Variants in RFX5 observed in about 807,000 individuals in gnomAD.
RFX5 encodes DNA-binding protein RFX5.
RFX5 carries 30 observed loss-of-function variants against 41.2 expected under a neutral mutation model. That is an observed-to-expected ratio of 0.73 (90% CI 0.54 to 0.99). RFX5 has a LOEUF of 0.99. Among genes scored for constraint, RFX5 ranks in the 50% least tolerant of loss-of-function variants. RFX5 has a pLI of 0.00. For synonymous variants in RFX5, 231 were observed against 291.8 expected (o/e 0.79, Z 2.12); for missense variants, 715 against 773.6 (o/e 0.92, Z 0.90).
At chr1:151,344,176 G>A in intron 8 of RFX5, 21 bp downstream of exon 8, 1 of 1,611,148 alleles carries the variant, frequency 6.2e-7, no homozygotes, top group Non-Finnish European at 8.5e-7. Flanking sequence ...GAGTGGAATT[G>A]GAAGGTGATT....
At chr1:151,346,403 G>T in intron 2 of RFX5, 70 bp from the exon 3 acceptor site, 2 of 1,193,484 alleles carry the variant, frequency 1.7e-6, no homozygotes, top group Non-Finnish European at 2.5e-6. Flanking sequence ...AGGCCCCAGG[G>T]CACTCCTCAT....
chr1:151,340,937 T>C lies in RFX5; in HGVS notation c.*1249A>G, dbSNP rs1650396670. On this transcript the variant is annotated 3_prime_UTR_variant, in exon 11 of 11. Transcript: ENST00000452671. ...TTTTCCCAAGGATACATCTGGAGGG[T>C]CTGCATTCCTTTCTCATTGGTGCCG... The C allele has an allele frequency of 6.6e-6, 1 of 152,580 alleles. No homozygotes were observed. Among genetic ancestry groups the C allele is most frequent in the Non-Finnish European group, 1.5e-5 (1 of 68,040 alleles). 9.5% of individuals were successfully genotyped at this position (152,580 alleles called of 1,614,324 possible).
intron 9 of RFX5, 95 bp downstream of exon 9, chr1:151,343,586 G>A: frequency 2.0e-6 from 3 of 1,464,378 alleles, no homozygotes; most frequent in Non-Finnish European, 1.9e-6. Flanking sequence ...AGGAAGAGGG[G>A]GCAAATCCAA....
chr1:151,343,544 G>A (rs1650707692), intron 9 of RFX5, 102 bp from the exon 10 acceptor site: 2 of 1,410,818 alleles, frequency 1.4e-6, no homozygotes, highest in Non-Finnish European at 2.0e-6. Flanking sequence ...GACAGGAAAT[G>A]GGGTGCTAAA....
intron 3 of RFX5, 56 bp from the exon 4 acceptor site, chr1:151,346,017 A>C: frequency 6.2e-7 from 1 of 1,613,436 alleles, no homozygotes; most frequent in Non-Finnish European, 8.5e-7. Context: ...CTGTCTCTTT[A>C]TCTGACTGCT....
In RFX5 at chr1:151,344,521, ACT is replaced by A. The variant is rs1228361094; in HGVS notation, c.367_368del (p.Leu124CysfsTer21). The A allele has an allele frequency of 6.2e-7, 1 of 1,614,124 alleles. No homozygotes were observed. Among genetic ancestry groups the A allele is most frequent in the Non-Finnish European group, 8.5e-7 (1 of 1,180,024 alleles). On this transcript the variant is annotated frameshift_variant, in exon 7 of 11. Transcript: ENST00000452671. LOFTEE classifies it high-confidence loss of function. ...VYDAYRKYCE[S>X]LACCRPLSTA... is the part of the protein sequence containing the mutation. ...TGCTGAGTGGGCGGCAACAGGCAAGACTCTCACAGTACTTCCTGAGTGAGAGG... is the reference window on the plus strand; with the variant it reads ...TGCTGAGTGGGCGGCAACAGGCAAGACTCACAGTACTTCCTGAGTGAGAGG...
intron 6 of RFX5, 25 bp downstream of exon 6, chr1:151,344,703 T>TCCCCCCCCCCCCC: frequency 2.0e-6 from 3 of 1,515,656 alleles, no homozygotes; most frequent in Non-Finnish European, 2.7e-6. Flanking sequence ...AATCCACTCA[T>TCCCCCCCCCCCCC]CCCACCACCC....
Position 151,342,377 on chromosome 1 carries a change from C to T in RFX5, c.1660G>A (p.Ala554Thr), listed in dbSNP as rs745894451. The change falls in exon 11 of 11, where the codon GCA becomes ACA. Residue 554 changes from alanine to threonine, a missense_variant. Coordinates refer to ENST00000452671, the MANE Select transcript of RFX5 (RefSeq NM_001025603.2). ...RGPGSQHTKE[A>T]EDKIPLVPSK... ...GGGACCAAGGGAATTTTATCTTCTG[C>T]TTCTTTGGTATGCTGGGAACCGGGG... The T allele has an allele frequency of 1.1e-5, 17 of 1,614,156 alleles. No individual in the cohort carries two copies. The highest frequency in any genetic ancestry group is 1.2e-5 in the Non-Finnish European group (14 of 1,180,028).
Position 151,345,193 on chromosome 1 carries a change from G to C in RFX5, c.151-5C>G, listed in dbSNP as rs1406448177. The C allele has an allele frequency of 6.2e-7, 1 of 1,612,320 alleles. No homozygotes were observed. The highest frequency in any genetic ancestry group is 1.6e-4 in the Middle Eastern group (1 of 6,062). Reference sequence around the variant, plus strand: ...AGAAAATTTCTGTACATCTTGCTGAGGTAGGAGAGAACAGAGGCAGGAGAA... The same window carrying C: ...AGAAAATTTCTGTACATCTTGCTGACGTAGGAGAGAACAGAGGCAGGAGAA... On this transcript the variant is annotated splice_region_variant and splice_polypyrimidine_tract_variant and intron_variant, in intron 4 of 10. Transcript: ENST00000452671.
intron 4 of RFX5, 107 bp downstream of exon 4, chr1:151,345,821 A>G (rs2102070108): frequency 6.6e-7 from 1 of 1,507,190 alleles, no homozygotes; most frequent in South Asian, 1.1e-5. Context: ...GACAAGGCAG[A>G]GGACCCTACC....
At position 151,344,840 on chromosome 1, in the gene RFX5, G is replaced by T; in HGVS notation, c.241C>A (p.Pro81Thr). Residue 81 changes from proline to threonine, a missense_variant, in exon 6 of 11, where the codon CCA (proline) becomes ACA (threonine). Physicochemically the swap from Pro to Thr is conservative, Grantham distance 38 (BLOSUM62 -1). Coordinates refer to ENST00000452671, the MANE Select transcript of RFX5 (RefSeq NM_001025603.2). Reference sequence around the variant, plus strand: ...TACTCCTCATTGCTCAGTGTACTTGGCTCTGAGCTACAGAAACAAAAGGAA... The same window carrying T: ...TACTCCTCATTGCTCAGTGTACTTGTCTCTGAGCTACAGAAACAAAAGGAA... ...GPTTGDKSSE[P>T]STLSNEEYMY... 6.2e-7 allele frequency: 1 copy of T among 1,614,118 alleles called. No individual in the cohort carries two copies. Among genetic ancestry groups the T allele is most frequent in the South Asian group, 1.1e-5 (1 of 91,078 alleles).
chr1:151,341,938 A>G lies in RFX5; in HGVS notation c.*248T>C. 5.8e-6 allele frequency: 4 copies of G among 689,852 alleles called. No homozygotes were observed. The East Asian group carries it at 1.2e-4, about 20-fold the overall frequency. The allele number at this position is 689,852 out of a possible 1,614,324, so 42.7% of individuals were successfully genotyped here. ...ACTTAGCCCATTCCTACCTTCCCAC[A>G]GGATAGCACAGGGAATACAGGTAAG... On this transcript the variant is annotated 3_prime_UTR_variant, in exon 11 of 11. Coordinates refer to ENST00000452671, the MANE Select transcript of RFX5 (RefSeq NM_001025603.2).
chr1:151,345,261 C>T lies in RFX5; in HGVS notation c.151-73G>A, dbSNP rs1650909308. 2.6e-6 allele frequency: 3 copies of T among 1,173,424 alleles called. No homozygotes were observed. The Admixed American group carries it at 5.6e-5, about 22-fold the overall frequency. 72.7% of individuals were successfully genotyped at this position (1,173,424 alleles called of 1,614,324 possible). On this transcript the variant is annotated intron_variant, in intron 4 of 10. Transcript: ENST00000452671. ...GACCCAATATAGGACCCTCTGATCCCCACACCAAAGTCTAGCTGACTTACA... is the reference window on the plus strand; with the variant it reads ...GACCCAATATAGGACCCTCTGATCCTCACACCAAAGTCTAGCTGACTTACA...
At position 151,342,442 on chromosome 1, in the gene RFX5, T is replaced by TGGGCAAGTACTGCCCCC. The variant is rs757464167; in HGVS notation, c.1578_1594dup (p.Gln532ArgfsTer40). 30 of 1,614,062 alleles carry TGGGCAAGTACTGCCCCC rather than the reference T, an allele frequency of 1.9e-5. No homozygotes were observed. The highest frequency in any genetic ancestry group is 2.2e-5 in the Non-Finnish European group (26 of 1,180,042). On this transcript the variant is annotated frameshift_variant, in exon 11 of 11. Transcript: ENST00000452671. LOFTEE classifies it high-confidence loss of function. ...GGAAACAGTACCATCTCCCTGACCC[T>TGGGCAAGTACTGCCCCC]GGGCAAGTACTGCCCCCTTTTCAGC...
Position 151,343,352 on chromosome 1 carries a change from C to T in RFX5, c.848G>A (p.Arg283Lys), listed in dbSNP as rs779171466. ...CACTGACTTCCTTACCTGGGCCAGT[C>T]TCTCTGGCTTCTTGTGGGCTCCACC... Reference protein sequence around the residue: ...PEGGAHKKPERLAQPPKDLEA... With the variant: ...PEGGAHKKPEKLAQPPKDLEA... The change falls in exon 10 of 11, where the codon AGA (arginine) becomes AAA (lysine). Residue 283 changes from arginine to lysine, a missense_variant. Coordinates refer to ENST00000452671, the MANE Select transcript of RFX5 (RefSeq NM_001025603.2). The T allele has an allele frequency of 6.2e-7, 1 of 1,613,282 alleles. No individual in the cohort carries two copies. The highest frequency in any genetic ancestry group is 1.1e-5 in the South Asian group (1 of 91,022).
At chr1:151,345,436 C>T (rs1327267115) in intron 4 of RFX5, 12 of 400,746 alleles carry the variant, frequency 3.0e-5, no homozygotes, top group South Asian at 6.6e-5. Context: ...GGTGAAACCC[C>T]GTTTCTACTA....
Position 151,342,891 on chromosome 1 carries a change from G to A in RFX5, c.1146C>T (p.Asn382=). 6.2e-7 allele frequency: 1 copy of A among 1,614,226 alleles called. No homozygotes were observed. Among genetic ancestry groups the A allele is most frequent in the South Asian group, 1.1e-5 (1 of 91,092 alleles). Residue 382 remains asparagine (N), a synonymous_variant, in exon 11 of 11, where the codon AAC becomes AAT. Coordinates refer to ENST00000452671, the MANE Select transcript of RFX5 (RefSeq NM_001025603.2). ...GAPPAAVPII[N]MILPTVPALP... ...AAGCAGGAACAGTTGGTAAGATCATGTTAATGATGGGCACAGCTGCTGGGG... is the reference window on the plus strand; with the variant it reads ...AAGCAGGAACAGTTGGTAAGATCATATTAATGATGGGCACAGCTGCTGGGG...
chr1:151,345,295 G>T (rs1412069853), intron 4 of RFX5, 107 bp from the exon 5 acceptor site: 2 of 857,378 alleles, frequency 2.3e-6, no homozygotes, highest in Non-Finnish European at 1.9e-6. Context: ...CAGGGTGTCA[G>T]ACTGAAAAAG....
In RFX5 at chr1:151,342,523, G is replaced by A. The variant is rs1264933547; in HGVS notation, c.1514C>T (p.Ser505Leu). ...SSRLPWETWG[S>L]GGEGNSAGGA... is the part of the protein sequence containing the mutation. ...TCCAGCTGAGTTGCCTTCCCCTCCT[G>A]AGCCCCATGTCTCCCATGGTAACCT... is the stretch of plus-strand genomic sequence containing the variant. Residue 505 changes from serine to leucine, a missense_variant, in exon 11 of 11, where the codon TCA becomes TTA. Transcript: ENST00000452671. 26 of 1,613,892 alleles carry A rather than the reference G, an allele frequency of 1.6e-5. No homozygotes were observed. Among genetic ancestry groups the A allele is most frequent in the Non-Finnish European group, 2.1e-5 (25 of 1,179,968 alleles).
Sources: allele counts gnomAD v4.1 joint callset, GRCh38; gene constraint gnomAD v4.1.1; transcripts MANE v1.5; gene names NCBI Gene and HGNC (gene_info 2026-07-23, HGNC 2026-07-21).